The following EYS variants were observed in gnomAD, a reference collection of about 807,000 sequenced individuals.
EYS encodes the protein EGF-like photoreceptor maintenance factor.
In EYS, 250 loss-of-function variants were observed where a neutral mutation model predicts 282.1. The observed-to-expected ratio is 0.89, with a 90% CI of 0.80 to 0.98. The LOEUF (loss-of-function observed/expected upper bound fraction) is 0.98. Among genes scored for constraint, EYS ranks in the 50% least tolerant of loss-of-function variants. EYS has a pLI of 0.00. For missense variants in EYS, 4,016 were observed against 3,709.0 expected (o/e 1.08, Z -2.15); for synonymous variants, 1,355 against 1,282.9 (o/e 1.06, Z -1.20).
chr6:64,376,319 C>T (rs1772559903), intron 29 of EYS, among the ~76,000 whole-genome samples: 1 of 152,024 alleles, frequency 6.6e-6, no homozygotes, highest in African/African-American at 2.4e-5. Flanking sequence ...TAGGTAGAGA[C>T]AAGAACTCAC....
At chr6:64,330,054 T>A (rs1469643103) in intron 29 of EYS, among the ~76,000 whole-genome samples, 1 of 152,186 alleles carries the variant, frequency 6.6e-6, no homozygotes. Flanking sequence ...CTGAAGGCTT[T>A]CATGCCACCA....
Position 65,398,754 on chromosome 6 carries a change from T to G in EYS, c.1184+3724A>C, listed in dbSNP as rs149935910. ...AAATGGAAACATACTTGATATCTAC[T>G]TCAATATCTCTACTTGGCTCTATTA... On this transcript the variant is annotated intron_variant, in intron 7 of 42. Transcript: ENST00000503581. Among the ~76,000 whole-genome samples, 865 of 152,244 alleles carry G rather than the reference T, an allele frequency of 5.7e-3. 5 individuals carry two copies. Among genetic ancestry groups the G allele is most frequent in the Middle Eastern group, 0.02 (6 of 294 alleles).
intron 14 of EYS, among the ~76,000 whole-genome samples, chr6:64,965,585 G>A (rs913136664): frequency 6.6e-6 from 1 of 151,832 alleles, no homozygotes; most frequent in African/African-American, 2.4e-5. Flanking sequence ...CCCAAAAAGG[G>A]AAATTTTCTA....
At chr6:64,069,461 CAT>C (rs1256030319) in intron 32 of EYS, among the ~76,000 whole-genome samples, 6 of 151,746 alleles carry the variant, frequency 4.0e-5, no homozygotes, top group South Asian at 2.1e-4. Flanking sequence ...TATATATACA[CAT>C]GTGATATACA....
intron 12 of EYS, among the ~76,000 whole-genome samples, chr6:65,277,410 C>A (rs987674365): frequency 1.3e-5 from 2 of 149,346 alleles, no homozygotes; most frequent in Admixed American, 1.4e-4. Flanking sequence ...TCCAGCCTGG[C>A]CACAGAGTGA....
intron 26 of EYS, among the ~76,000 whole-genome samples, chr6:64,551,582 G>C (rs1765084662): frequency 6.7e-6 from 1 of 148,986 alleles, no homozygotes; most frequent in African/African-American, 2.5e-5. Context: ...TGTTGCCCAG[G>C]CTAGAGTGCA....
intron 22 of EYS, among the ~76,000 whole-genome samples, chr6:64,779,486 TG>T (rs1226381992): frequency 6.6e-6 from 1 of 151,952 alleles, no homozygotes; most frequent in Admixed American, 6.6e-5. Context: ...GGAGTTGGGT[TG>T]GGGGAAGGGA....
At chr6:64,264,441 C>A (rs1319206154) in intron 30 of EYS, among the ~76,000 whole-genome samples, 2 of 152,074 alleles carry the variant, frequency 1.3e-5, no homozygotes, top group Non-Finnish European at 2.9e-5. Flanking sequence ...TGCAGGCTAG[C>A]CAGTGCTTGT....
chr6:63,835,839 G>T (rs191726726), intron 36 of EYS, among the ~76,000 whole-genome samples: 1 of 152,166 alleles, frequency 6.6e-6, no homozygotes, highest in East Asian at 1.9e-4. Context: ...AGAAAAAAGT[G>T]ATAAATTTGG....
At chr6:65,000,078 C>T (rs762536694) in intron 13 of EYS, among the ~76,000 whole-genome samples, 3 of 152,124 alleles carry the variant, frequency 2.0e-5, no homozygotes, top group Non-Finnish European at 4.4e-5. Context: ...AAGAGCAAAA[C>T]TAAATGAGCA....
intron 36 of EYS, among the ~76,000 whole-genome samples, chr6:63,834,323 G>A (rs1771738225): frequency 6.6e-6 from 1 of 152,068 alleles, no homozygotes; most frequent in African/African-American, 2.4e-5. Context: ...TGACAAGGGA[G>A]TAATATGCAG....
At chr6:64,874,179 T>C (rs2150055978) in intron 19 of EYS, among the ~76,000 whole-genome samples, 2 of 152,228 alleles carry the variant, frequency 1.3e-5, no homozygotes, top group South Asian at 4.1e-4. Context: ...TCATTTAGAC[T>C]AGAATATTTC....
At chr6:64,023,830 G>A (rs1178128868) in intron 33 of EYS, among the ~76,000 whole-genome samples, 3 of 152,228 alleles carry the variant, frequency 2.0e-5, no homozygotes, top group Middle Eastern at 3.2e-3. Context: ...GGGCCAGCGC[G>A]AGTTCCAGGT....
chr6:65,579,152 A>G lies in EYS; in HGVS notation c.-333+60626T>C, dbSNP rs116454116. 5.2e-3 allele frequency among the ~76,000 whole-genome samples: 786 copies of G among 152,224 alleles called. 3 individuals are homozygous for G. The highest frequency in any genetic ancestry group is 0.017 in the African/African-American group (716 of 41,560). On this transcript the variant is annotated intron_variant, in intron 2 of 42. Coordinates refer to ENST00000503581, the MANE Select transcript of EYS (RefSeq NM_001142800.2). ...GACGATTATTCGTTTGCCTGTATAC[A>G]TGTGTTTTTTTGTTCCTTTCTTAGG... is the stretch of plus-strand genomic sequence containing the variant.
intron 31 of EYS, among the ~76,000 whole-genome samples, chr6:64,202,699 A>G (rs1765496371): frequency 6.6e-6 from 1 of 152,180 alleles, no homozygotes; most frequent in South Asian, 2.1e-4. Flanking sequence ...TAGAACCTTG[A>G]GACGAGATCA....
chr6:64,776,086 T>C (rs1346108713), intron 22 of EYS, among the ~76,000 whole-genome samples: 1 of 152,038 alleles, frequency 6.6e-6, no homozygotes, highest in Non-Finnish European at 1.5e-5. Context: ...GCTGAAAAAC[T>C]AAAAATCAAA....
intron 22 of EYS, among the ~76,000 whole-genome samples, chr6:64,758,207 C>T (rs1562175078): frequency 1.3e-5 from 2 of 152,080 alleles, no homozygotes. Context: ...GGAAAAACCC[C>T]TTTGGAAGCC....
chr6:63,721,536 A>G lies in EYS; in HGVS notation c.8495T>C (p.Val2832Ala). Residue 2832 changes from valine (V) to alanine (A), a missense_variant, in exon 43 of 43, where the codon GTA (valine) becomes GCA (alanine). Physicochemically the swap from Val to Ala is moderately conservative, Grantham distance 64 (BLOSUM62 0). Transcript: ENST00000503581. Reference protein sequence around the residue: ...YIGGVSSLNLVNPMAIENEPV... With the variant: ...YIGGVSSLNLANPMAIENEPV... ...TTCATTTTCTATTGCCATGGGATTT[A>G]CAAGATTTAAAGAAGATACTCCTCC... The G allele has an allele frequency of 6.4e-7, 1 of 1,551,646 alleles. No individual in the cohort carries two copies. Among genetic ancestry groups the G allele is most frequent in the Non-Finnish European group, 8.7e-7 (1 of 1,146,802 alleles).
intron 12 of EYS, among the ~76,000 whole-genome samples, chr6:65,155,069 A>C (rs1764701189): frequency 1.3e-5 from 2 of 151,608 alleles, no homozygotes; most frequent in African/African-American, 4.8e-5. Context: ...CAAGTATTTA[A>C]GTTATTACAC....
Sources: allele counts gnomAD v4.1 joint callset (sites outside exome capture counted in the v4.1 genomes callset), GRCh38; gene constraint gnomAD v4.1.1; transcripts MANE v1.5; gene names NCBI Gene and HGNC (gene_info 2026-07-23, HGNC 2026-07-21).